CNTNAP4: variants seen among roughly 807,000 people sequenced by gnomAD.
CNTNAP4 encodes contactin-associated protein-like 4.
Under a neutral mutation model 148.4 loss-of-function variants are expected in CNTNAP4, and 98 were observed. The ratio of observed to expected loss-of-function variants is 0.66; its 90% CI spans 0.56 to 0.78. The LOEUF (loss-of-function observed/expected upper bound fraction) is 0.78. Ranked by LOEUF, CNTNAP4 falls within the 30% of genes least tolerant of loss-of-function variation. The pLI is 0.00. For synonymous variants in CNTNAP4, 730 were observed against 565.1 expected (o/e 1.29, Z -4.14); for missense variants, 1,935 against 1,565.6 (o/e 1.24, Z -3.98).
intron 21 of CNTNAP4, among the ~76,000 whole-genome samples, chr16:76,552,035 G>T (rs1016048139): frequency 6.6e-6 from 1 of 152,184 alleles, no homozygotes; most frequent in Non-Finnish European, 1.5e-5. Context: ...TGGCTGGGAG[G>T]CCTCAGGAAA....
At chr16:76,304,970 G>A (rs1342245305) in intron 1 of CNTNAP4, among the ~76,000 whole-genome samples, 1 of 152,162 alleles carries the variant, frequency 6.6e-6, no homozygotes, top group African/African-American at 2.4e-5. Flanking sequence ...GTAGTATTTG[G>A]TGATATGTAT....
At chr16:76,364,393 A>G (rs1202787920) in intron 3 of CNTNAP4, among the ~76,000 whole-genome samples, 1 of 152,134 alleles carries the variant, frequency 6.6e-6, no homozygotes, top group Non-Finnish European at 1.5e-5. Context: ...GAAGAGAGGG[A>G]CTAGAGTTAA....
chr16:76,316,620 A>C (rs1263743133), intron 2 of CNTNAP4, 97 bp downstream of exon 2: 63 of 802,506 alleles, frequency 7.9e-5, no homozygotes, highest in Non-Finnish European at 2.1e-6. Context: ...ATGGTAAAAG[A>C]AAGTAAATTT....
At chr16:76,460,589 GTC>G (rs1340890504) in intron 8 of CNTNAP4, among the ~76,000 whole-genome samples, 1 of 143,594 alleles carries the variant, frequency 7.0e-6, no homozygotes, top group Non-Finnish European at 1.5e-5. Flanking sequence ...GTGAAACCCC[GTC>G]TCTACTAAAA....
intron 4 of CNTNAP4, among the ~76,000 whole-genome samples, chr16:76,441,476 A>G (rs2080037203): frequency 6.6e-6 from 1 of 152,160 alleles, no homozygotes; most frequent in South Asian, 2.1e-4. Context: ...TAGGGCGTAC[A>G]ATCTTTTTGA....
At chr16:76,485,560 A>G (rs2081998480) in intron 12 of CNTNAP4, among the ~76,000 whole-genome samples, 1 of 151,986 alleles carries the variant, frequency 6.6e-6, no homozygotes, top group East Asian at 1.9e-4. Context: ...AAAAGTGAAA[A>G]CTCTATGGGT....
chr16:76,388,333 AAAAC>A (rs2016682321), intron 3 of CNTNAP4, among the ~76,000 whole-genome samples: 3 of 152,260 alleles, frequency 2.0e-5, no homozygotes, highest in South Asian at 2.1e-4. Context: ...ATCAAAATGA[AAAAC>A]AAACAAATAA....
At chr16:76,475,683 G>C (rs897745846) in intron 10 of CNTNAP4, among the ~76,000 whole-genome samples, 9 of 152,164 alleles carry the variant, frequency 5.9e-5, no homozygotes, top group African/African-American at 2.2e-4. Flanking sequence ...TGTCACTGAG[G>C]GAAAATGAAG....
At chr16:76,329,550 AT>A (rs1963318309) in intron 2 of CNTNAP4, among the ~76,000 whole-genome samples, 1 of 152,220 alleles carries the variant, frequency 6.6e-6, no homozygotes, top group African/African-American at 2.4e-5. Context: ...TGTGATTTTT[AT>A]AAAGTCTTTC....
At position 76,466,531 on chromosome 16, in the gene CNTNAP4, T is replaced by A. The variant is rs138193064; in HGVS notation, c.1484-821T>A. 1.1e-3 allele frequency among the ~76,000 whole-genome samples: 169 copies of A among 152,228 alleles called. 2 individuals are homozygous for A. In the East Asian group the frequency reaches 0.028, roughly 26 times the overall value. ...CATATACCCACATATACACCTACCATGTATCCATACAAATTAAAAATTGAA... is the reference window on the plus strand; with the variant it reads ...CATATACCCACATATACACCTACCAAGTATCCATACAAATTAAAAATTGAA... On this transcript the variant is annotated intron_variant, in intron 9 of 23. Transcript: ENST00000611870.
intron 3 of CNTNAP4, among the ~76,000 whole-genome samples, chr16:76,408,089 T>A (rs920796309): frequency 1.3e-5 from 2 of 152,018 alleles, no homozygotes; most frequent in Non-Finnish European, 2.9e-5. Flanking sequence ...ATTTTAAAAT[T>A]AAGGCATATA....
At chr16:76,520,135 T>C (rs1324741931) in intron 15 of CNTNAP4, among the ~76,000 whole-genome samples, 2 of 152,150 alleles carry the variant, frequency 1.3e-5, no homozygotes, top group Admixed American at 6.5e-5. Context: ...AAGATGTATA[T>C]TCGTATTTGA....
Position 76,540,799 on chromosome 16 carries a change from A to G in CNTNAP4, c.3442+9A>G. 11 of 1,544,236 alleles carry G rather than the reference A, an allele frequency of 7.1e-6. No individual in the cohort carries two copies. The highest frequency in any genetic ancestry group is 8.8e-6 in the Non-Finnish European group (10 of 1,137,896). On this transcript the variant is annotated intron_variant, in intron 21 of 23. Transcript: ENST00000611870. ...ATTGGGCAGGATTTTAGGTAAGTGA[A>G]AGAAACAACCTTTCCCCTAACCATG...
At chr16:76,303,083 A>G (rs1197193657) in intron 1 of CNTNAP4, among the ~76,000 whole-genome samples, 1 of 152,194 alleles carries the variant, frequency 6.6e-6, no homozygotes, top group Non-Finnish European at 1.5e-5. Context: ...AGACCAGCCA[A>G]ACTTTTTCCT....
chr16:76,373,297 ATATATTCCACATAAATATGTGGAG>A (rs2015058306), intron 3 of CNTNAP4, among the ~76,000 whole-genome samples: 1 of 152,042 alleles, frequency 6.6e-6, no homozygotes, highest in Non-Finnish European at 1.5e-5. Context: ...AATATGTGAA[ATATATTCCACATAAATATGTGGAG>A]TATATTTCAC....
chr16:76,538,552 GATA>G (rs2084318930), intron 19 of CNTNAP4, among the ~76,000 whole-genome samples: 1 of 151,788 alleles, frequency 6.6e-6, no homozygotes, highest in African/African-American at 2.4e-5. Flanking sequence ...TTATGATTTT[GATA>G]ATTTTACATA....
intron 4 of CNTNAP4, among the ~76,000 whole-genome samples, chr16:76,445,503 AGACAGTAAGAAT>A (rs1481041833): frequency 6.6e-6 from 1 of 152,164 alleles, no homozygotes; most frequent in African/African-American, 2.4e-5. Context: ...TGAAGCAAGG[AGACAGTAAGAAT>A]GACAGAAAAT....
chr16:76,467,805 C>G (rs2081231582), intron 10 of CNTNAP4, among the ~76,000 whole-genome samples: 1 of 152,082 alleles, frequency 6.6e-6, no homozygotes, highest in South Asian at 2.1e-4. Flanking sequence ...TAATTTTAGA[C>G]AAGTATAGAT....
At chr16:76,383,113 T>TA (rs963878741) in intron 3 of CNTNAP4, among the ~76,000 whole-genome samples, 2 of 30,738 alleles carry the variant, frequency 6.5e-5, no homozygotes, top group Non-Finnish European at 1.6e-4. Flanking sequence ...TTTATCCCAC[T>TA]TTTTTTTTTT....
Sources: gnomAD v4.1 joint callset for allele counts (sites outside exome capture counted in the v4.1 genomes callset) on GRCh38, gnomAD v4.1.1 for gene constraint, MANE v1.5 for transcripts, NCBI Gene and HGNC (gene_info 2026-07-23, HGNC 2026-07-21) for gene names.